Variants in C3orf33 observed in about 807,000 individuals in gnomAD.
C3orf33 encodes the protein AP-1 activity suppressor.
C3orf33 carries 23 observed loss-of-function variants against 28.7 expected under a neutral mutation model. The observed-to-expected ratio is 0.80, with a 90% CI of 0.58 to 1.13. The LOEUF is 1.13. Ranked by LOEUF, C3orf33 falls within the 50% of genes most tolerant of loss-of-function variation. The pLI, the probability that C3orf33 is intolerant of heterozygous loss-of-function variation, is 0.00. For synonymous variants in C3orf33, 119 were observed against 120.5 expected, an observed-to-expected ratio of 0.99 and a Z score of 0.08; for missense variants, 327 against 353.4, an observed-to-expected ratio of 0.93 and a Z score of 0.60.
chr3:155,788,751 C>T (rs1178168922), intron 2 of C3orf33, among the ~76,000 whole-genome samples: 1 of 151,914 alleles, frequency 6.6e-6, no homozygotes, highest in Non-Finnish European at 1.5e-5. Flanking sequence ...AGCTTTTCCT[C>T]TAAGATCAGG....
At chr3:155,789,215 G>T (rs9812038) in intron 2 of C3orf33, among the ~76,000 whole-genome samples, 128,668 of 151,910 alleles carry the variant, frequency 0.85, 55,018 homozygotes, top group African/African-American at 0.96. Context: ...CGTGGTGGCA[G>T]GCGCTTGTAA....
intron 3 of C3orf33, among the ~76,000 whole-genome samples, chr3:155,770,807 C>T (rs1178520884): frequency 2.6e-5 from 4 of 151,812 alleles, no homozygotes; most frequent in African/African-American, 9.7e-5. Flanking sequence ...ATTACAAGCG[C>T]ATGCCACCAC....
rs540438881 is a variant in C3orf33, at chr3:155,794,521, G to A, written c.174+8011C>T. ...GAAAAAAAAAATTTTTTAATGACAG[G>A]AGTAAGTCATTACTTATCAATAATA... On this transcript the variant is annotated intron_variant, in intron 2 of 4. Transcript: ENST00000340171. 5.3e-5 allele frequency among the ~76,000 whole-genome samples: 8 copies of A among 151,840 alleles called. No individual in the cohort carries two copies. The South Asian group carries it at 1.5e-3, about 28-fold the overall frequency.
intron 2 of C3orf33, among the ~76,000 whole-genome samples, chr3:155,788,492 G>C (rs1048994349): frequency 2.0e-5 from 3 of 151,932 alleles, no homozygotes; most frequent in Non-Finnish European, 2.9e-5. Flanking sequence ...AGACCATCCT[G>C]GCCAACATAG....
chr3:155,797,270 A>T (rs1284166890), intron 2 of C3orf33, among the ~76,000 whole-genome samples: 2 of 152,224 alleles, frequency 1.3e-5, no homozygotes, highest in African/African-American at 4.8e-5. Context: ...CTTCATGATA[A>T]AACCCTCACA....
chr3:155,787,184 A>G (rs1004887837), intron 2 of C3orf33, among the ~76,000 whole-genome samples: 1 of 152,160 alleles, frequency 6.6e-6, no homozygotes, highest in Non-Finnish European at 1.5e-5. Flanking sequence ...ACTAAATCAT[A>G]GAAAACCAGA....
In C3orf33 at chr3:155,763,763, T is replaced by C. The variant is rs1402516545; in HGVS notation, c.639A>G (p.Glu213=). 12 of 1,606,172 alleles carry C rather than the reference T, an allele frequency of 7.5e-6. No homozygotes were observed. The highest frequency in any genetic ancestry group is 1.3e-5 in the African/African-American group (1 of 74,560). The change falls in exon 5 of 5, where the codon GAA becomes GAG. Residue 213 remains glutamate, a synonymous_variant. Transcript: ENST00000340171. ...TTTCAGAGTCTTCCTTCCATATTCC[T>C]TCTCCTTTTTTTAAGGCTGTTAATT... ...KAELTALKKG[E]GIWKEDSEKE... is the part of the protein sequence containing the mutation.
intron 2 of C3orf33, among the ~76,000 whole-genome samples, chr3:155,795,281 C>A (rs565255229): frequency 1.3e-5 from 2 of 152,164 alleles, no homozygotes; most frequent in Middle Eastern, 3.4e-3. Context: ...CATGGCAAAA[C>A]CCTGTCTCTA....
chr3:155,787,434 C>A (rs1317632060), intron 2 of C3orf33, among the ~76,000 whole-genome samples: 1 of 150,760 alleles, frequency 6.6e-6, no homozygotes, highest in East Asian at 1.9e-4. Context: ...ACTGTGCAAC[C>A]TCTGCCTCCC....
intron 3 of C3orf33, among the ~76,000 whole-genome samples, chr3:155,770,992 GT>G (rs1559988856): frequency 2.1e-5 from 3 of 142,470 alleles, no homozygotes; most frequent in African/African-American, 5.2e-5. Flanking sequence ...GTGTGTGTGT[GT>G]TGAGACATAG....
rs1328893480 is a variant in C3orf33, at chr3:155,770,992, GTTGAGACATAGTTTTGCTCTGCCAC to G, written c.323-3348_323-3324del. Among the ~76,000 whole-genome samples the G allele has an allele frequency of 7.4e-4, 106 of 142,512 alleles. 2 individuals are homozygous for G. Among genetic ancestry groups the G allele is most frequent in the East Asian group, 1.2e-3 (6 of 4,806 alleles). The allele number at this position is 142,512 out of a possible 152,430, so 93.5% of individuals were successfully genotyped here. On this transcript the variant is annotated intron_variant, in intron 3 of 4. Transcript: ENST00000340171. ...TGTGTGTGTGTGTGTGTGTGTGTGT[GTTGAGACATAGTTTTGCTCTGCCAC>G]TGTGTGTGTGTGTGTGTGTGTGTGT...
chr3:155,796,863 C>T (rs543534639), intron 2 of C3orf33, among the ~76,000 whole-genome samples: 1 of 152,302 alleles, frequency 6.6e-6, no homozygotes, highest in African/African-American at 2.4e-5. Context: ...GTTCAACATA[C>T]ATAAATCAAT....
At chr3:155,805,793 C>T (rs999944163) in intron 1 of C3orf33, 2 of 491,254 alleles carry the variant, frequency 4.1e-6, no homozygotes, top group African/African-American at 1.9e-5. Context: ...GACTTCCCTG[C>T]TCTTCCTCGG....
intron 2 of C3orf33, among the ~76,000 whole-genome samples, chr3:155,788,513 T>C (rs1395664081): frequency 1.3e-5 from 2 of 151,660 alleles, no homozygotes; most frequent in Non-Finnish European, 2.9e-5. Context: ...TGAAACCCTG[T>C]CTCTACTAAA....
intron 2 of C3orf33, among the ~76,000 whole-genome samples, chr3:155,794,893 G>C (rs913615709): frequency 1.3e-5 from 2 of 152,156 alleles, no homozygotes; most frequent in African/African-American, 4.8e-5. Context: ...CAACACTGCA[G>C]CACCAAGATA....
intron 1 of C3orf33, chr3:155,805,474 T>A: frequency 2.7e-6 from 1 of 373,698 alleles, no homozygotes; most frequent in South Asian, 2.0e-5. Flanking sequence ...AAAAGAAATC[T>A]ATTCGGGAGG....
chr3:155,799,002 G>A (rs1323453492), intron 2 of C3orf33, among the ~76,000 whole-genome samples: 2 of 152,104 alleles, frequency 1.3e-5, no homozygotes, highest in South Asian at 4.1e-4. Flanking sequence ...CATACAAATG[G>A]CAAACAGGTA....
chr3:155,800,643 G>GAAAAAAAAAA (rs1751620237), intron 2 of C3orf33, among the ~76,000 whole-genome samples: 1 of 53,166 alleles, frequency 1.9e-5, no homozygotes, highest in Non-Finnish European at 4.2e-5. Flanking sequence ...AAAAAAAAAG[G>GAAAAAAAAAA]CAACATACAG....
chr3:155,793,978 GTTTTGTTT>G (rs1175781150), intron 2 of C3orf33, among the ~76,000 whole-genome samples: 1 of 135,170 alleles, frequency 7.4e-6, no homozygotes, highest in Non-Finnish European at 1.6e-5. Context: ...GCTTGGTGGT[GTTTTGTTT>G]TTTTGTTTTT....
Sources: gnomAD v4.1 joint callset for allele counts (sites outside exome capture counted in the v4.1 genomes callset) on GRCh38, gnomAD v4.1.1 for gene constraint, MANE v1.5 for transcripts, NCBI Gene and HGNC (gene_info 2026-07-23, HGNC 2026-07-21) for gene names.